Variants in FGD3 observed in about 807,000 individuals in gnomAD.
FGD3 encodes FYVE, RhoGEF and PH domain-containing protein 3.
In FGD3, 45 loss-of-function variants were observed where a neutral mutation model predicts 71.8. The observed-to-expected ratio is 0.63, with a 90% confidence interval of 0.49 to 0.80. The LOEUF (loss-of-function observed/expected upper bound fraction) is 0.80, where lower values mean the gene tolerates loss of function less well. Ranked by LOEUF, FGD3 falls within the 30% of genes least tolerant of loss-of-function variation. The pLI, the probability that FGD3 is intolerant of heterozygous loss-of-function variation, is 0.00. For synonymous variants in FGD3, 378 were observed against 392.8 expected, an observed-to-expected ratio of 0.96 and a Z score of 0.44; for missense variants, 844 against 951.5, an observed-to-expected ratio of 0.89 and a Z score of 1.49.
intron 7 of FGD3, among the ~76,000 whole-genome samples, 194 bp downstream of exon 7, chr9:93,010,578 T>G (rs1587851972): frequency 4.1e-5 from 5 of 122,374 alleles, no homozygotes; most frequent in Non-Finnish European, 6.9e-5. Context: ...GATAGGGAGA[T>G]GTCAGGGAAA....
intron 1 of FGD3, among the ~76,000 whole-genome samples, chr9:92,955,707 T>C (rs1299475293): frequency 6.6e-6 from 1 of 152,102 alleles, no homozygotes; most frequent in Non-Finnish European, 1.5e-5. Flanking sequence ...ACAGGGAGCC[T>C]CCTGTGGCCC....
At chr9:93,022,915 G>C (rs1014673340) in intron 14 of FGD3, among the ~76,000 whole-genome samples, 1 of 152,148 alleles carries the variant, frequency 6.6e-6, no homozygotes, top group Admixed American at 6.5e-5. Flanking sequence ...GCCCACAAGG[G>C]TGCTGCTCCG....
At chr9:93,028,193 C>T (rs1399512666) in intron 14 of FGD3, among the ~76,000 whole-genome samples, 2 of 125,282 alleles carry the variant, frequency 1.6e-5, no homozygotes, top group African/African-American at 6.7e-5. Context: ...CAGCCCCTAG[C>T]CCCGACACAC....
intron 3 of FGD3, among the ~76,000 whole-genome samples, chr9:92,993,381 G>A (rs540129540): frequency 1.3e-5 from 2 of 152,180 alleles, no homozygotes; most frequent in African/African-American, 4.8e-5. Context: ...GCCTATGTGT[G>A]TCCTTATATC....
At chr9:93,008,322 C>T (rs1861151532) in intron 6 of FGD3, among the ~76,000 whole-genome samples, 1 of 152,208 alleles carries the variant, frequency 6.6e-6, no homozygotes, top group South Asian at 2.1e-4. Context: ...GCAGCCCACA[C>T]TCAGATGTCA....
chr9:93,001,309 T>C (rs1860850144), intron 3 of FGD3, among the ~76,000 whole-genome samples: 1 of 152,176 alleles, frequency 6.6e-6, no homozygotes, highest in Non-Finnish European at 1.5e-5. Context: ...AAGATCAGTT[T>C]TGAAGTTTTT....
At chr9:92,997,695 T>C (rs370495254) in intron 3 of FGD3, among the ~76,000 whole-genome samples, 217 of 152,286 alleles carry the variant, frequency 1.4e-3, no homozygotes, top group African/African-American at 5.0e-3. Context: ...TCAGCATTTG[T>C]TTGTCTGTAA....
chr9:93,012,958 G>A (rs368840639), intron 8 of FGD3, among the ~76,000 whole-genome samples: 2 of 151,228 alleles, frequency 1.3e-5, no homozygotes, highest in East Asian at 1.9e-4. Context: ...AGCTGCACAC[G>A]CAGCTCCCCA....
chr9:92,972,811 G>A lies in FGD3; in HGVS notation c.-217-2427G>A, dbSNP rs149506344. ...GTGTGTGTGTGTTTCATTTTGGGTAGTTTCTGTTCCTGTCTCTTCAAATTC... is the reference window on the plus strand; with the variant it reads ...GTGTGTGTGTGTTTCATTTTGGGTAATTTCTGTTCCTGTCTCTTCAAATTC... On this transcript the variant is annotated intron_variant, in intron 1 of 17. Coordinates refer to ENST00000375482, the MANE Select transcript of FGD3 (RefSeq NM_001083536.2). 9.5e-3 allele frequency among the ~76,000 whole-genome samples: 1,439 copies of A among 152,132 alleles called. 18 individuals are homozygous for A. The highest frequency in any genetic ancestry group is 0.01 in the Non-Finnish European group (702 of 68,028).
At chr9:93,005,842 T>G (rs1861029067) in intron 5 of FGD3, among the ~76,000 whole-genome samples, 182 bp from the exon 6 acceptor site, 1 of 152,228 alleles carries the variant, frequency 6.6e-6, no homozygotes, top group Non-Finnish European at 1.5e-5. Context: ...ATTGCCCAGT[T>G]ACTATTTTCT....
At chr9:93,027,121 G>A (rs969232298) in intron 14 of FGD3, among the ~76,000 whole-genome samples, 2 of 152,198 alleles carry the variant, frequency 1.3e-5, no homozygotes, top group African/African-American at 2.4e-5. Flanking sequence ...CAGAGGTGCC[G>A]GGGGCTGCAG....
intron 3 of FGD3, among the ~76,000 whole-genome samples, chr9:92,978,282 CAAA>C (rs372703604): frequency 2.4e-5 from 2 of 85,072 alleles, no homozygotes. Context: ...AACTCCATCT[CAAA>C]AAAAAAAAAA....
In FGD3 at chr9:92,959,869, C is replaced by T. The variant is rs548990146; in HGVS notation, c.-218+12140C>T. Among the ~76,000 whole-genome samples, 94 of 151,754 alleles carry T rather than the reference C, an allele frequency of 6.2e-4. 1 individual carries two copies. Among genetic ancestry groups the T allele is most frequent in the African/African-American group, 2.2e-3 (90 of 41,316 alleles). On this transcript the variant is annotated intron_variant, in intron 1 of 17. Transcript: ENST00000375482. ...ATGCCCCCATGTTTCCAAGACCACA[C>T]GTCCCCACGTCCCCTGTACCCCCAT...
chr9:92,960,087 C>T (rs969730601), intron 1 of FGD3, among the ~76,000 whole-genome samples: 3 of 151,900 alleles, frequency 2.0e-5, no homozygotes, highest in African/African-American at 7.3e-5. Context: ...CCATATTCTT[C>T]ATGTTTCCAT....
At chr9:92,959,639 C>T (rs140718273) in intron 1 of FGD3, among the ~76,000 whole-genome samples, 1,475 of 136,564 alleles carry the variant, frequency 0.011, 25 homozygotes, top group African/African-American at 0.039. Context: ...CACAGGAGGT[C>T]GAGGCTACAG....
At chr9:92,975,072 C>A (rs764384706) in intron 1 of FGD3, among the ~76,000 whole-genome samples, 166 bp from the exon 2 acceptor site, 14 of 152,204 alleles carry the variant, frequency 9.2e-5, no homozygotes, top group Non-Finnish European at 2.1e-4. Flanking sequence ...AGCCTGGGGG[C>A]TGAGGATATG....
chr9:93,005,249 A>T (rs969778370), intron 5 of FGD3, among the ~76,000 whole-genome samples: 3 of 152,020 alleles, frequency 2.0e-5, no homozygotes, highest in Non-Finnish European at 4.4e-5. Flanking sequence ...CAGCCTCCCA[A>T]GTAGCTGGGA....
Position 93,022,335 on chromosome 9 carries a change from C to A in FGD3, c.1503C>A (p.Ser501Arg). The A allele has an allele frequency of 6.2e-7, 1 of 1,611,982 alleles. No homozygotes were observed. The highest frequency in any genetic ancestry group is 8.5e-7 in the Non-Finnish European group (1 of 1,179,090). The change falls in exon 14 of 18, where the codon AGC becomes AGA. Residue 501 changes from serine to arginine, a missense_variant. Transcript: ENST00000375482. ...CTCTGTGTCCCTTCTAGATCACGAG[C>A]ACCAGCCCTGTGGAGCCTGTGGTGA... is the stretch of plus-strand genomic sequence containing the variant. ...PSLSPDMPIT[S>R]TSPVEPVVTT...
intron 9 of FGD3, among the ~76,000 whole-genome samples, chr9:93,014,545 A>G (rs1861586229): frequency 6.6e-6 from 1 of 152,270 alleles, no homozygotes; most frequent in South Asian, 2.1e-4. Flanking sequence ...GTTTTTAAAA[A>G]TTACGTTAAC....
Sources: gnomAD v4.1 joint callset for allele counts (sites outside exome capture counted in the v4.1 genomes callset) on GRCh38, gnomAD v4.1.1 for gene constraint, MANE v1.5 for transcripts, NCBI Gene and HGNC (gene_info 2026-07-23, HGNC 2026-07-21) for gene names.